ETV6: variants seen among roughly 807,000 people sequenced by gnomAD.
The protein encoded by ETV6 is transcription factor ETV6.
ETV6 carries 16 observed loss-of-function variants against 51.1 expected under a neutral mutation model. The ratio of observed to expected loss-of-function variants is 0.31; its 90% CI spans 0.21 to 0.48. The LOEUF (loss-of-function observed/expected upper bound fraction) is 0.48. Among genes scored for constraint, ETV6 ranks in the 20% least tolerant of loss-of-function variants. The pLI, the probability that ETV6 is intolerant of heterozygous loss-of-function variation, is 0.99. For synonymous variants in ETV6, 240 were observed against 224.1 expected (o/e 1.07, Z -0.64); for missense variants, 458 against 594.8 (o/e 0.77, Z 2.39).
In ETV6 at chr12:11,752,718, C is replaced by T. The variant is rs199522383; in HGVS notation, c.163+139C>T. On this transcript the variant is annotated intron_variant, in intron 2 of 7. Coordinates refer to ENST00000396373, the MANE Select transcript of ETV6 (RefSeq NM_001987.5). Reference sequence around the variant, plus strand: ...CGCCACGCTGCTTTGGAATCTTTCACACCCCCCTACCCCCAGATACCTTTG... The same window carrying T: ...CGCCACGCTGCTTTGGAATCTTTCATACCCCCCTACCCCCAGATACCTTTG... The T allele has an allele frequency of 5.9e-5, 67 of 1,129,828 alleles. No homozygotes were observed. The East Asian group carries it at 1.7e-3, about 29-fold the overall frequency. The allele number at this position is 1,129,828 out of a possible 1,614,324, so 70.0% of individuals were successfully genotyped here. A position where few individuals can be genotyped will look rare whatever the true frequency, so the allele number is the denominator to read the frequency against.
Position 11,893,794 on chromosome 12 carries a change from T to TTTTATATATATA in ETV6, c.*2749_*2750insTTATATATATAT. On this transcript the variant is annotated 3_prime_UTR_variant, in exon 8 of 8. Coordinates refer to ENST00000396373, the MANE Select transcript of ETV6 (RefSeq NM_001987.5). Reference sequence around the variant, plus strand: ...GTGTCCATCCCCAAGATCTCTCATTTTATATATATATATATATATATATAT... The same window carrying TTTTATATATATA: ...GTGTCCATCCCCAAGATCTCTCATTTTTTATATATATATATATATATATATATATATATATAT... 1 of 78,906 alleles carries TTTTATATATATA rather than the reference T, an allele frequency of 1.3e-5. No homozygotes were observed. Among genetic ancestry groups the TTTTATATATATA allele is most frequent in the South Asian group, 4.9e-4 (1 of 2,030 alleles). The allele number at this position is 78,906 out of a possible 1,614,324, so 4.9% of individuals were successfully genotyped here.
At chr12:11,749,285 CCATACACACACACACACACA>C (rs1391747200) in intron 1 of ETV6, among the ~76,000 whole-genome samples, 2 of 75,354 alleles carry the variant, frequency 2.7e-5, no homozygotes, top group African/African-American at 1.1e-4. Flanking sequence ...GTTATCCCCC[CCATACACACACACACACACA>C]CACACACACA....
intron 1 of ETV6, among the ~76,000 whole-genome samples, chr12:11,689,718 A>G (rs906490479): frequency 6.6e-6 from 1 of 151,266 alleles, no homozygotes; most frequent in African/African-American, 2.4e-5. Context: ...TTTTGTGGAC[A>G]TTGGATGTAT....
chr12:11,687,484 C>T (rs957862953), intron 1 of ETV6, among the ~76,000 whole-genome samples: 1 of 152,084 alleles, frequency 6.6e-6, no homozygotes, highest in Non-Finnish European at 1.5e-5. Flanking sequence ...CAGCGCCACA[C>T]CCCCTTTTTT....
chr12:11,845,117 C>T (rs1023409168), intron 3 of ETV6, among the ~76,000 whole-genome samples: 6 of 152,256 alleles, frequency 3.9e-5, no homozygotes, highest in Non-Finnish European at 8.8e-5. Flanking sequence ...GCGTGAGCTA[C>T]TGCACCCGGC....
chr12:11,664,896 G>A (rs1422927744), intron 1 of ETV6, among the ~76,000 whole-genome samples: 1 of 152,086 alleles, frequency 6.6e-6, no homozygotes, highest in African/African-American at 2.4e-5. Context: ...ATGTGATCTT[G>A]TTACTCTCTG....
intron 1 of ETV6, among the ~76,000 whole-genome samples, chr12:11,676,098 C>T (rs1304204237): frequency 6.6e-6 from 1 of 152,182 alleles, no homozygotes; most frequent in Non-Finnish European, 1.5e-5. Flanking sequence ...GTTCATGTCA[C>T]TTTCTTTGTC....
chr12:11,847,802 G>A (rs893780701), intron 3 of ETV6, among the ~76,000 whole-genome samples: 1 of 152,152 alleles, frequency 6.6e-6, no homozygotes, highest in African/African-American at 2.4e-5. Context: ...GAGAGAAACA[G>A]GAGCAGTTCC....
chr12:11,848,491 C>G (rs898420713), intron 3 of ETV6, among the ~76,000 whole-genome samples: 1 of 152,262 alleles, frequency 6.6e-6, no homozygotes, highest in African/African-American at 2.4e-5. Context: ...TTCACTCGCT[C>G]TCTCCTGTCC....
intron 2 of ETV6, among the ~76,000 whole-genome samples, chr12:11,819,216 T>C (rs768184449): frequency 1.3e-5 from 2 of 152,188 alleles, no homozygotes; most frequent in South Asian, 4.1e-4. Flanking sequence ...TGATCTGGTT[T>C]CTACGCCTGC....
At chr12:11,684,372 T>A (rs1237383012) in intron 1 of ETV6, among the ~76,000 whole-genome samples, 1 of 152,244 alleles carries the variant, frequency 6.6e-6, no homozygotes, top group Non-Finnish European at 1.5e-5. Context: ...TTTTTTTCCT[T>A]TAATATTTTG....
At chr12:11,811,882 T>A (rs543930210) in intron 2 of ETV6, among the ~76,000 whole-genome samples, 1 of 152,304 alleles carries the variant, frequency 6.6e-6, no homozygotes, top group African/African-American at 2.4e-5. Flanking sequence ...AAACCTGTGC[T>A]GGTCCTGCTA....
chr12:11,704,618 T>C (rs927054982), intron 1 of ETV6, among the ~76,000 whole-genome samples: 8 of 152,292 alleles, frequency 5.3e-5, no homozygotes, highest in African/African-American at 1.9e-4. Flanking sequence ...CTTGCTGGGA[T>C]TACAGGTGTG....
chr12:11,785,480 CA>C (rs1427723597), intron 2 of ETV6, among the ~76,000 whole-genome samples: 1 of 152,104 alleles, frequency 6.6e-6, no homozygotes, highest in Admixed American at 6.5e-5. Context: ...AGCTCAAGAA[CA>C]GGGATTTTTC....
At chr12:11,694,325 A>G (rs1235064333) in intron 1 of ETV6, among the ~76,000 whole-genome samples, 1 of 152,226 alleles carries the variant, frequency 6.6e-6, no homozygotes, top group Non-Finnish European at 1.5e-5. Context: ...CTAATTTAGT[A>G]TAAGGGCTAT....
At chr12:11,737,057 T>C (rs1865713801) in intron 1 of ETV6, among the ~76,000 whole-genome samples, 1 of 152,018 alleles carries the variant, frequency 6.6e-6, no homozygotes, top group African/African-American at 2.4e-5. Context: ...GGCTCCTGTG[T>C]GGTTTGGGGG....
intron 5 of ETV6, among the ~76,000 whole-genome samples, chr12:11,876,498 A>C (rs1946986291): frequency 6.6e-6 from 1 of 152,230 alleles, no homozygotes; most frequent in African/African-American, 2.4e-5. Context: ...TTTCTCTTAA[A>C]GTACTTTAAT....
chr12:11,680,711 G>C (rs570100925), intron 1 of ETV6, among the ~76,000 whole-genome samples: 1 of 152,302 alleles, frequency 6.6e-6, no homozygotes, highest in South Asian at 2.1e-4. Context: ...AGGCGTTGGT[G>C]ATCTACTTCT....
At chr12:11,833,740 C>T (rs942412604) in intron 2 of ETV6, among the ~76,000 whole-genome samples, 1 of 152,254 alleles carries the variant, frequency 6.6e-6, no homozygotes. Context: ...TAGAATGACT[C>T]CTGGCACATA....
Sources: gnomAD v4.1 joint callset for allele counts (sites outside exome capture counted in the v4.1 genomes callset) on GRCh38, gnomAD v4.1.1 for gene constraint, MANE v1.5 for transcripts, NCBI Gene and HGNC (gene_info 2026-07-23, HGNC 2026-07-21) for gene names.